The following PPP3CA variants were observed in gnomAD, a reference collection of about 807,000 sequenced individuals.
PPP3CA encodes protein phosphatase 3 catalytic subunit alpha.
PPP3CA carries 14 observed loss-of-function variants against 66.5 expected under a neutral mutation model. That is an observed-to-expected ratio of 0.21 (90% CI 0.14 to 0.33). The LOEUF (loss-of-function observed/expected upper bound fraction) is 0.33, where lower values mean the gene tolerates loss of function less well. Ranked by LOEUF, PPP3CA falls within the 10% of genes least tolerant of loss-of-function variation. The pLI is 1.00. For synonymous variants in PPP3CA, 232 were observed against 226.2 expected (o/e 1.03, Z -0.23); for missense variants, 317 against 639.5 (o/e 0.50, Z 5.44).
At chr4:101,273,956 G>GA (rs967575566) in intron 1 of PPP3CA, among the ~76,000 whole-genome samples, 2 of 151,828 alleles carry the variant, frequency 1.3e-5, no homozygotes, top group South Asian at 2.1e-4. Context: ...ACTAACAGCT[G>GA]AAAAAAAATC....
chr4:101,254,703 C>T (rs1213561647), intron 1 of PPP3CA, among the ~76,000 whole-genome samples: 1 of 151,662 alleles, frequency 6.6e-6, no homozygotes, highest in Non-Finnish European at 1.5e-5. Context: ...AATTTAATAC[C>T]ATAAGGCAGT....
intron 1 of PPP3CA, among the ~76,000 whole-genome samples, chr4:101,312,422 T>A (rs577258212): frequency 2.7e-5 from 4 of 150,602 alleles, no homozygotes; most frequent in Admixed American, 1.3e-4. Context: ...TTAAACATTA[T>A]TTTTTATTAA....
intron 2 of PPP3CA, among the ~76,000 whole-genome samples, chr4:101,155,573 G>C (rs1723291966): frequency 6.6e-6 from 1 of 152,172 alleles, no homozygotes; most frequent in Admixed American, 6.5e-5. Flanking sequence ...TAAGCCAGGA[G>C]AGACAGTTCC....
chr4:101,083,114 A>G, intron 7 of PPP3CA, 72 bp downstream of exon 7: 1 of 1,186,724 alleles, frequency 8.4e-7, no homozygotes. Flanking sequence ...GAACCTGCAG[A>G]GCCTAAGCAA....
At chr4:101,330,171 A>C (rs1477202823) in intron 1 of PPP3CA, 1 of 376,366 alleles carries the variant, frequency 2.7e-6, no homozygotes, top group Non-Finnish European at 5.3e-6. Context: ...AGTTTGAAAT[A>C]AACTGACTTT....
chr4:101,169,415 G>A (rs907866381), intron 2 of PPP3CA, among the ~76,000 whole-genome samples: 8 of 152,112 alleles, frequency 5.3e-5, no homozygotes, highest in African/African-American at 1.7e-4. Context: ...TCCAGAGGGC[G>A]CTATTTACCA....
rs1380760299 is a variant in PPP3CA, at chr4:101,224,188, A to G, written c.59-28072T>C. On this transcript the variant is annotated intron_variant, in intron 1 of 13. Coordinates refer to ENST00000394854, the MANE Select transcript of PPP3CA (RefSeq NM_000944.5). Reference sequence around the variant, plus strand: ...CTATTAATAATTACACTGGGACAGCAGGCATAAATCGTTACTGTCCTGGGA... The same window carrying G: ...CTATTAATAATTACACTGGGACAGCGGGCATAAATCGTTACTGTCCTGGGA... Among the ~76,000 whole-genome samples the G allele has an allele frequency of 2.6e-5, 4 of 151,852 alleles. No individual in the cohort carries two copies. The East Asian group carries it at 7.8e-4, about 29-fold the overall frequency.
chr4:101,108,871 G>T, intron 3 of PPP3CA, 83 bp downstream of exon 3: 1 of 1,330,502 alleles, frequency 7.5e-7, no homozygotes, highest in South Asian at 1.4e-5. Flanking sequence ...GTTTCCATAA[G>T]GCAATAACAT....
chr4:101,058,194 G>T (rs1385249232), intron 10 of PPP3CA, among the ~76,000 whole-genome samples: 1 of 152,116 alleles, frequency 6.6e-6, no homozygotes, highest in Non-Finnish European at 1.5e-5. Context: ...AATCTGATAA[G>T]TTATAGACAC....
intron 2 of PPP3CA, among the ~76,000 whole-genome samples, chr4:101,174,620 GTATT>G (rs1723996489): frequency 6.6e-6 from 1 of 152,114 alleles, no homozygotes; most frequent in African/African-American, 2.4e-5. Context: ...ATATTGTAAA[GTATT>G]TAAGGGGAGC....
At chr4:101,321,149 A>T (rs895456386) in intron 1 of PPP3CA, among the ~76,000 whole-genome samples, 17 of 152,222 alleles carry the variant, frequency 1.1e-4, no homozygotes, top group Non-Finnish European at 2.1e-4. Context: ...GATCTGTGAG[A>T]TCGAAAACTG....
At chr4:101,170,687 T>C (rs554234748) in intron 2 of PPP3CA, among the ~76,000 whole-genome samples, 1 of 152,266 alleles carries the variant, frequency 6.6e-6, no homozygotes, top group Non-Finnish European at 1.5e-5. Flanking sequence ...GATATACCTA[T>C]ACTTGGATTT....
intron 2 of PPP3CA, among the ~76,000 whole-genome samples, chr4:101,157,022 G>A (rs935582239): frequency 1.3e-5 from 2 of 152,198 alleles, no homozygotes; most frequent in Non-Finnish European, 2.9e-5. Flanking sequence ...ATAATTTCAA[G>A]TTTTCCCAAG....
intron 1 of PPP3CA, among the ~76,000 whole-genome samples, chr4:101,208,016 G>A (rs995975943): frequency 6.6e-6 from 1 of 152,012 alleles, no homozygotes; most frequent in African/African-American, 2.4e-5. Context: ...AGGCATGATG[G>A]GCAGTCATTT....
intron 2 of PPP3CA, among the ~76,000 whole-genome samples, chr4:101,152,384 G>A (rs1048702242): frequency 6.6e-6 from 1 of 152,112 alleles, no homozygotes; most frequent in Non-Finnish European, 1.5e-5. Context: ...CATCTATAAT[G>A]CTTTTGGATA....
At chr4:101,195,552 C>A (rs1308314996) in intron 2 of PPP3CA, among the ~76,000 whole-genome samples, 1 of 152,094 alleles carries the variant, frequency 6.6e-6, no homozygotes, top group Non-Finnish European at 1.5e-5. Context: ...TTAACTTATA[C>A]CCTTACTCAA....
intron 9 of PPP3CA, among the ~76,000 whole-genome samples, chr4:101,062,645 T>C (rs2851063): frequency 0.69 from 104,147 of 151,810 alleles, 38,232 homozygotes; most frequent in East Asian, 1. Context: ...AGAAGGAAGG[T>C]AGGAAGAAAG....
chr4:101,214,590 T>C (rs540586315), intron 1 of PPP3CA, among the ~76,000 whole-genome samples: 6 of 152,192 alleles, frequency 3.9e-5, no homozygotes, highest in Admixed American at 2.6e-4. Context: ...GGGAGCAAGT[T>C]CAATTTCTAC....
At chr4:101,143,376 G>A (rs1722870635) in intron 2 of PPP3CA, among the ~76,000 whole-genome samples, 1 of 151,978 alleles carries the variant, frequency 6.6e-6, no homozygotes. Flanking sequence ...GTCTTCCATG[G>A]TCATAAAGTT....
Sources: gnomAD v4.1 joint callset for allele counts (sites outside exome capture counted in the v4.1 genomes callset) on GRCh38, gnomAD v4.1.1 for gene constraint, MANE v1.5 for transcripts, NCBI Gene and HGNC (gene_info 2026-07-23, HGNC 2026-07-21) for gene names.